MBD5: variants seen among roughly 807,000 people sequenced by gnomAD.
MBD5 encodes the protein methyl-CpG-binding domain protein 5.
In MBD5, 13 loss-of-function variants were observed where a neutral mutation model predicts 117.3. That is an observed-to-expected ratio of 0.11 (90% confidence interval 0.07 to 0.18). The LOEUF is 0.18. Ranked by LOEUF, MBD5 falls within the 10% of genes least tolerant of loss-of-function variation. MBD5 has a pLI of 1.00. For missense variants in MBD5, 1,879 were observed against 2,093.8 expected (o/e 0.90, Z 2.00); for synonymous variants, 727 against 766.4 (o/e 0.95, Z 0.85).
At chr2:148,188,541 C>A (rs1305536906) in intron 2 of MBD5, among the ~76,000 whole-genome samples, 1 of 151,792 alleles carries the variant, frequency 6.6e-6, no homozygotes, top group Non-Finnish European at 1.5e-5. Flanking sequence ...AAAAAATTAG[C>A]CAGGCATACT....
intron 1 of MBD5, among the ~76,000 whole-genome samples, chr2:148,166,254 C>CT (rs1374995305): frequency 5.9e-5 from 9 of 152,108 alleles, no homozygotes; most frequent in African/African-American, 1.2e-4. Context: ...ATCCAGACAT[C>CT]TTTTTTTGCT....
intron 2 of MBD5, among the ~76,000 whole-genome samples, chr2:148,227,117 A>C (rs947456086): frequency 1.2e-4 from 18 of 152,256 alleles, no homozygotes; most frequent in South Asian, 2.1e-4. Flanking sequence ...CTTTAGTTTA[A>C]TTAGATCCCA....
At chr2:148,454,764 G>A (rs187004889) in intron 4 of MBD5, among the ~76,000 whole-genome samples, 2 of 152,158 alleles carry the variant, frequency 1.3e-5, no homozygotes, top group Admixed American at 6.6e-5. Context: ...TAAAATTAGA[G>A]TAGTGGATGT....
intron 3 of MBD5, among the ~76,000 whole-genome samples, chr2:148,279,645 T>G (rs140603593): frequency 3.4e-3 from 512 of 152,378 alleles, no homozygotes; most frequent in Non-Finnish European, 5.1e-3. Flanking sequence ...ATTTCCATTC[T>G]TCTTTATTTT....
At chr2:148,334,811 T>C (rs1206011614) in intron 3 of MBD5, among the ~76,000 whole-genome samples, 1 of 152,168 alleles carries the variant, frequency 6.6e-6, no homozygotes, top group Admixed American at 6.5e-5. Flanking sequence ...TTGAGGCAAA[T>C]ATCTTTTGAA....
intron 3 of MBD5, among the ~76,000 whole-genome samples, chr2:148,326,541 T>G (rs542147033): frequency 5.7e-4 from 87 of 152,296 alleles, no homozygotes; most frequent in African/African-American, 1.9e-3. Context: ...GCACATATAT[T>G]TAGGATAGTT....
chr2:148,289,633 C>T (rs554726157), intron 3 of MBD5, among the ~76,000 whole-genome samples: 1 of 152,196 alleles, frequency 6.6e-6, no homozygotes, highest in Non-Finnish European at 1.5e-5. Flanking sequence ...AACTTTACAA[C>T]ATTATTTATA....
chr2:148,062,196 C>CATACATGTATGTAT (rs1215926965), intron 1 of MBD5: 1 of 151,414 alleles, frequency 6.6e-6, no homozygotes, highest in Non-Finnish European at 1.5e-5. Flanking sequence ...TATGGATATA[C>CATACATGTATGTAT]ATACATGTAT....
chr2:148,206,770 T>A (rs778367812), intron 2 of MBD5, among the ~76,000 whole-genome samples: 2 of 152,214 alleles, frequency 1.3e-5, no homozygotes, highest in Non-Finnish European at 1.5e-5. Context: ...GTATTTATAT[T>A]AGACCAGAGA....
intron 3 of MBD5, among the ~76,000 whole-genome samples, chr2:148,256,994 C>G (rs1278431153): frequency 6.6e-6 from 1 of 152,240 alleles, no homozygotes; most frequent in Non-Finnish European, 1.5e-5. Flanking sequence ...CTGCTATAGG[C>G]TAAGTCATCC....
At position 148,223,044 on chromosome 2, in the gene MBD5, T is replaced by A. The variant is rs886141660; in HGVS notation, c.-830-10201T>A. Among the ~76,000 whole-genome samples the A allele has an allele frequency of 2.6e-5, 4 of 152,274 alleles. No individual in the cohort carries two copies. The East Asian group carries it at 5.8e-4, about 22-fold the overall frequency. Reference sequence around the variant, plus strand: ...ATGATCATATGGTTTTTGTCTTTCATTCTATTGATATGATACATCACATTG... The same window carrying A: ...ATGATCATATGGTTTTTGTCTTTCAATCTATTGATATGATACATCACATTG... On this transcript the variant is annotated intron_variant, in intron 2 of 13. Coordinates refer to ENST00000642680, the MANE Select transcript of MBD5 (RefSeq NM_001378120.1).
intron 1 of MBD5, among the ~76,000 whole-genome samples, chr2:148,110,965 T>C (rs941143938): frequency 2.0e-5 from 3 of 152,056 alleles, no homozygotes; most frequent in African/African-American, 7.2e-5. Context: ...GTTTCTTATT[T>C]CTATGAGGTT....
intron 3 of MBD5, among the ~76,000 whole-genome samples, chr2:148,239,226 A>G (rs985307406): frequency 6.6e-6 from 1 of 152,138 alleles, no homozygotes; most frequent in Non-Finnish European, 1.5e-5. Context: ...TTGCCTAGTG[A>G]TATCTGACAC....
At chr2:148,478,955 C>CA (rs1027841657) in intron 8 of MBD5, among the ~76,000 whole-genome samples, 1 of 152,004 alleles carries the variant, frequency 6.6e-6, no homozygotes, top group East Asian at 1.9e-4. Flanking sequence ...CAAAACAAAA[C>CA]AAAAAAACAG....
At chr2:148,233,563 A>G (rs914893448) in intron 3 of MBD5, among the ~76,000 whole-genome samples, 168 bp downstream of exon 3, 3 of 152,056 alleles carry the variant, frequency 2.0e-5, no homozygotes, top group Admixed American at 2.0e-4. Flanking sequence ...ACACTATAGC[A>G]TGTCAAAAAT....
At chr2:148,092,899 A>C (rs1288591687) in intron 1 of MBD5, among the ~76,000 whole-genome samples, 2 of 152,068 alleles carry the variant, frequency 1.3e-5, no homozygotes, top group African/African-American at 2.4e-5. Context: ...AAGAAGTTAG[A>C]AAAGCTAGCT....
At position 148,512,908 on chromosome 2, in the gene MBD5, C is replaced by T. The variant is rs372247590; in HGVS notation, c.5151C>T (p.Pro1717=). ...CACAGGGTGACAGACAAATGAGACC[C>T]CCCAAACCCAAGAGGAGGAAGATCT... ...QIPQGDRQMR[P]PKPKRRKISR Residue 1717 remains proline, a synonymous_variant, in exon 14 of 14, where the codon CCC becomes CCT. Transcript: ENST00000642680. The T allele has an allele frequency of 6.2e-7, 1 of 1,613,898 alleles. No individual in the cohort carries two copies. The highest frequency in any genetic ancestry group is 1.3e-5 in the African/African-American group (1 of 74,988).
intron 2 of MBD5, among the ~76,000 whole-genome samples, chr2:148,214,475 C>T (rs1021041935): frequency 6.6e-6 from 1 of 152,112 alleles, no homozygotes; most frequent in African/African-American, 2.4e-5. Context: ...CTGAAGTTTG[C>T]CAACTTCTGC....
chr2:148,470,507 T>C, intron 8 of MBD5, 46 bp downstream of exon 8: 1 of 1,472,980 alleles, frequency 6.8e-7, no homozygotes, highest in Non-Finnish European at 9.1e-7. Context: ...TAAACTTTTC[T>C]ACTTTTTTAA....
Sources: allele counts gnomAD v4.1 joint callset (sites outside exome capture counted in the v4.1 genomes callset), GRCh38; gene constraint gnomAD v4.1.1; transcripts MANE v1.5; gene names NCBI Gene and HGNC (gene_info 2026-07-23, HGNC 2026-07-21).